Variants in CCDC187 observed in about 807,000 individuals in gnomAD.
CCDC187 encodes the protein coiled-coil domain containing 187.
A neutral mutation model predicts 38.0 loss-of-function variants in CCDC187; 32 were observed. The ratio of observed to expected loss-of-function variants is 0.84; its 90% CI spans 0.64 to 1.13. CCDC187 has a LOEUF of 1.13. CCDC187 is among the 50% of genes most tolerant of loss of function. The pLI is 0.00. For synonymous variants in CCDC187, 333 were observed against 347.9 expected (o/e 0.96, Z 0.48); for missense variants, 707 against 786.8 (o/e 0.90, Z 1.21).
At chr9:136,280,300 G>T (rs942524814) in intron 10 of CCDC187, among the ~76,000 whole-genome samples, 21 of 152,332 alleles carry the variant, frequency 1.4e-4, no homozygotes, top group African/African-American at 5.1e-4. Context: ...CTCTCTCAGT[G>T]CCAGGCAGGC....
Position 136,255,670 on chromosome 9 carries a change from G to A in CCDC187, c.4680C>T (p.Ala1560=), listed in dbSNP as rs928928456. 14 of 985,368 alleles carry A rather than the reference G, an allele frequency of 1.4e-5. No individual in the cohort carries two copies. The highest frequency in any genetic ancestry group is 1.4e-5 in the Non-Finnish European group (12 of 829,888). 61.0% of individuals were successfully genotyped at this position (985,368 alleles called of 1,614,324 possible). A position where few individuals can be genotyped will look rare whatever the true frequency, so the allele number is the denominator to read the frequency against. ...CTGGGGCATTACCTGGGGAGGCAGC[G>A]GCCTGGGCAGCCTCCAGCCAGGTGG... The part of the protein sequence containing the change: ...ISSTWLEAAQ[A]AASPAAPVVP... Residue 1560 remains alanine, a synonymous_variant, in exon 25 of 26, where the codon GCC becomes GCT. Coordinates refer to ENST00000638797, the MANE Select transcript of CCDC187 (RefSeq NM_001378188.1).
chr9:136,295,503 G>A (rs1831513764), intron 4 of CCDC187, among the ~76,000 whole-genome samples: 1 of 152,248 alleles, frequency 6.6e-6, no homozygotes, highest in South Asian at 2.1e-4. Flanking sequence ...GATAAAAAAT[G>A]CAAAGTGAGG....
intron 19 of CCDC187, among the ~76,000 whole-genome samples, chr9:136,260,940 C>T (rs1235798382): frequency 1.3e-5 from 2 of 152,218 alleles, no homozygotes; most frequent in Admixed American, 1.3e-4. Flanking sequence ...GGAGACAGGG[C>T]AGTGCCTCCA....
At chr9:136,294,184 A>T (rs1831475871) in intron 4 of CCDC187, among the ~76,000 whole-genome samples, 2 of 148,840 alleles carry the variant, frequency 1.3e-5, no homozygotes, top group African/African-American at 5.0e-5. Context: ...TCATATACAC[A>T]CGCCCTCACA....
intron 4 of CCDC187, among the ~76,000 whole-genome samples, chr9:136,293,607 C>T (rs1831438210): frequency 6.6e-6 from 1 of 152,022 alleles, no homozygotes; most frequent in African/African-American, 2.4e-5. Context: ...CAGGCTCACA[C>T]ATATGCACGC....
At chr9:136,293,506 C>CAAACA (rs2131326179) in intron 4 of CCDC187, among the ~76,000 whole-genome samples, 1 of 115,606 alleles carries the variant, frequency 8.7e-6, no homozygotes, top group South Asian at 2.8e-4. Flanking sequence ...CACACACTCA[C>CAAACA]AAACACACAT....
At position 136,255,722 on chromosome 9, in the gene CCDC187, C is replaced by G. The variant is rs567916885; in HGVS notation, c.4628G>C (p.Cys1543Ser). 1.0e-6 allele frequency: 1 copy of G among 985,450 alleles called. No individual in the cohort carries two copies. The highest frequency in any genetic ancestry group is 4.7e-5 in the South Asian group (1 of 21,292). 61.0% of individuals were successfully genotyped at this position (985,450 alleles called of 1,614,324 possible). A position where few individuals can be genotyped will look rare whatever the true frequency, so the allele number is the denominator to read the frequency against. ...WRSGEQRTEA[C>S]QQEVPGISST... Reference sequence around the variant, plus strand: ...GGAGATGCCGGGGACCTCCTGCTGACAGGCCTCCGTCCTGCAAGCACATTC... The same window carrying G: ...GGAGATGCCGGGGACCTCCTGCTGAGAGGCCTCCGTCCTGCAAGCACATTC... Residue 1543 changes from cysteine to serine, a missense_variant, in exon 25 of 26, where the codon TGT becomes TCT. Physicochemically the swap from Cys to Ser is moderately radical, Grantham distance 112. Transcript: ENST00000638797.
Position 136,253,434 on chromosome 9 carries a change from C to T in CCDC187, c.*160G>A. 4.7e-6 allele frequency: 1 copy of T among 212,744 alleles called. No homozygotes were observed. The highest frequency in any genetic ancestry group is 8.1e-6 in the Non-Finnish European group (1 of 123,276). The allele number at this position is 212,744 out of a possible 1,614,324, so 13.2% of individuals were successfully genotyped here. A position where few individuals can be genotyped will look rare whatever the true frequency, so the allele number is the denominator to read the frequency against. ...TGCACTGATGGCCCTGGGAGCCCTC[C>T]AGGGGCACTGCCTGACCCCTCACAC... is the stretch of plus-strand genomic sequence containing the variant. On this transcript the variant is annotated 3_prime_UTR_variant, in exon 26 of 26. Transcript: ENST00000638797.
In CCDC187 at chr9:136,251,323, C is replaced by T; in HGVS notation, c.*2271G>A. 3.3e-6 allele frequency: 1 copy of T among 306,772 alleles called. No individual in the cohort carries two copies. Among genetic ancestry groups the T allele is most frequent in the South Asian group, 2.7e-5 (1 of 36,558 alleles). The allele number at this position is 306,772 out of a possible 1,614,324, so 19.0% of individuals were successfully genotyped here. A position where few individuals can be genotyped will look rare whatever the true frequency, so the allele number is the denominator to read the frequency against. On this transcript the variant is annotated 3_prime_UTR_variant, in exon 26 of 26. Coordinates refer to ENST00000638797, the MANE Select transcript of CCDC187 (RefSeq NM_001378188.1). The stretch of plus-strand genomic sequence containing the variant: ...GGCACAGCAAGTCCTGAGCATGCTC[C>T]AGAAGAGACCTTGGGCCACTGATCC...
chr9:136,290,184 C>T (rs1160598028), intron 6 of CCDC187, 131 bp from the exon 7 acceptor site: 9 of 397,626 alleles, frequency 2.3e-5, no homozygotes, highest in South Asian at 1.4e-4. Flanking sequence ...TTGCAGGAAT[C>T]GGGGTCCCAC....
At chr9:136,281,880 C>T (rs1033149094) in intron 9 of CCDC187, among the ~76,000 whole-genome samples, 40 of 151,944 alleles carry the variant, frequency 2.6e-4, no homozygotes, top group Non-Finnish European at 4.9e-4. Flanking sequence ...CAGGGGTGAG[C>T]GGGAGGCAGG....
intron 19 of CCDC187, among the ~76,000 whole-genome samples, chr9:136,261,802 G>T (rs944969920): frequency 3.3e-5 from 5 of 152,240 alleles, no homozygotes; most frequent in Non-Finnish European, 5.9e-5. Context: ...GAGGGGTTCT[G>T]TGATAGAGTC....
intron 15 of CCDC187, 111 bp downstream of exon 15, chr9:136,267,938 G>A (rs888243670): frequency 4.1e-6 from 4 of 985,398 alleles, no homozygotes; most frequent in Non-Finnish European, 4.8e-6. Flanking sequence ...TCCCAACCCA[G>A]GACCTGCCTT....
upstream of CCDC187, among the ~76,000 whole-genome samples, chr9:136,304,642 G>GC (rs1201734922): frequency 1.3e-5 from 2 of 152,150 alleles, no homozygotes; most frequent in African/African-American, 4.8e-5. Flanking sequence ...GTCCCTGAGG[G>GC]GAACTCAGAC....
chr9:136,299,013 T>TG (rs1831605266), intron 3 of CCDC187, among the ~76,000 whole-genome samples: 1 of 151,950 alleles, frequency 6.6e-6, no homozygotes. Context: ...TAGGATGGGG[T>TG]GGTTGAGGTC....
At position 136,256,195 on chromosome 9, in the gene CCDC187, G is replaced by A; in HGVS notation, c.4616+16C>T. Reference sequence around the variant, plus strand: ...CCTCACGCTCCACCCCTGCTCCAGGGAGCTCAGCCCCACACCTCTGCTCCC... The same window carrying A: ...CCTCACGCTCCACCCCTGCTCCAGGAAGCTCAGCCCCACACCTCTGCTCCC... On this transcript the variant is annotated intron_variant, in intron 24 of 25. Transcript: ENST00000638797. 1 of 984,594 alleles carries A rather than the reference G, an allele frequency of 1.0e-6. No individual in the cohort carries two copies. The highest frequency in any genetic ancestry group is 1.2e-6 in the Non-Finnish European group (1 of 829,160). 61.0% of individuals were successfully genotyped at this position (984,594 alleles called of 1,614,324 possible). A position where few individuals can be genotyped will look rare whatever the true frequency, so the allele number is the denominator to read the frequency against.
chr9:136,288,682 G>A (rs1831239527), intron 7 of CCDC187, among the ~76,000 whole-genome samples: 1 of 152,226 alleles, frequency 6.6e-6, no homozygotes, highest in Admixed American at 6.5e-5. Context: ...GCAAAGTTGG[G>A]GGAGGTCTTC....
chr9:136,254,261 AC>A lies in CCDC187; in HGVS notation c.5566del (p.Val1856CysfsTer41). On this transcript the variant is annotated frameshift_variant, in exon 26 of 26. Coordinates refer to ENST00000638797, the MANE Select transcript of CCDC187 (RefSeq NM_001378188.1). LOFTEE classifies it low-confidence loss of function (END_TRUNC). ...CTGGAGGGCTTCTCCTGTGTCTGAC[AC>A]CCCCATCAGGCTCTCGCTGGTCCCA... ...ASGTSESLMG[V>X]SDTGEALQAP... 4 of 983,644 alleles carry A rather than the reference AC, an allele frequency of 4.1e-6. No individual in the cohort carries two copies. The highest frequency in any genetic ancestry group is 4.8e-6 in the Non-Finnish European group (4 of 828,988). 60.9% of individuals were successfully genotyped at this position (983,644 alleles called of 1,614,324 possible).
chr9:136,306,297 T>C (rs987932984), upstream of CCDC187, among the ~76,000 whole-genome samples: 4,332 of 152,218 alleles, frequency 0.028, 219 homozygotes, highest in African/African-American at 0.097. Flanking sequence ...GCTCCTGGCC[T>C]CTCCGCAGCC....
Sources: allele counts gnomAD v4.1 joint callset (sites outside exome capture counted in the v4.1 genomes callset), GRCh38; gene constraint gnomAD v4.1.1; transcripts MANE v1.5; gene names NCBI Gene and HGNC (gene_info 2026-07-23, HGNC 2026-07-21).